Variants in FOS observed in about 807,000 individuals in gnomAD.
FOS encodes protein c-Fos.
In FOS, 9 loss-of-function variants were observed where a neutral mutation model predicts 27.2. The ratio of observed to expected loss-of-function variants is 0.33; its 90% confidence interval spans 0.20 to 0.58. FOS has a LOEUF of 0.58. Ranked by LOEUF, FOS falls within the 20% of genes least tolerant of loss-of-function variation. The pLI is 0.87. For missense variants in FOS, 405 were observed against 483.5 expected (o/e 0.84, Z 1.52); for synonymous variants, 213 against 205.1 (o/e 1.04, Z -0.33).
chr14:75,279,259 C>G lies in FOS; in HGVS notation c.141+136C>G, dbSNP rs1188417080. 3.0e-5 allele frequency: 36 copies of G among 1,190,718 alleles called. No individual in the cohort carries two copies. The highest frequency in any genetic ancestry group is 4.3e-5 in the Non-Finnish European group (36 of 845,946). 73.8% of individuals were successfully genotyped at this position (1,190,718 alleles called of 1,614,324 possible). A position where few individuals can be genotyped will look rare whatever the true frequency, so the allele number is the denominator to read the frequency against. Reference sequence around the variant, plus strand: ...GAGGCTGCCGTGGCCGGAGCGGTGCCGGCTCGGGGGCTCGGGACTTGCTCT... The same window carrying G: ...GAGGCTGCCGTGGCCGGAGCGGTGCGGGCTCGGGGGCTCGGGACTTGCTCT... On this transcript the variant is annotated intron_variant, in intron 1 of 3. Coordinates refer to ENST00000303562, the MANE Select transcript of FOS (RefSeq NM_005252.4). This position sits in a 1 kb window ranked among gnomAD's most constrained non-coding sequence, Gnocchi z 5.4.
Position 75,281,203 on chromosome 14 carries a change from A to T in FOS, c.922A>T (p.Ser308Cys), listed in dbSNP as rs778618273. The T allele has an allele frequency of 2.5e-6, 4 of 1,612,434 alleles. No homozygotes were observed. In the South Asian group the frequency reaches 4.4e-5, roughly 18 times the overall value. ...TGCAGCAGACTGGGAGCCTCTGCAC[A>T]GTGGCTCCCTGGGGATGGGGCCCAT... The part of the protein sequence containing the change: ...FYAADWEPLH[S>C]GSLGMGPMAT... The change falls in exon 4 of 4, where the codon AGT becomes TGT. Residue 308 changes from serine (S) to cysteine (C), a missense_variant. Coordinates refer to ENST00000303562, the MANE Select transcript of FOS (RefSeq NM_005252.4). This position sits in a 1 kb window ranked among gnomAD's most constrained non-coding sequence, Gnocchi z 4.7.
chr14:75,278,883 C>T lies in FOS; in HGVS notation c.-100C>T. 6.9e-7 allele frequency: 1 copy of T among 1,443,528 alleles called. No individual in the cohort carries two copies. 89.4% of individuals were successfully genotyped at this position (1,443,528 alleles called of 1,614,324 possible). On this transcript the variant is annotated 5_prime_UTR_variant, in exon 1 of 4. Transcript: ENST00000303562. This position sits in a 1 kb window ranked among gnomAD's most constrained non-coding sequence, Gnocchi z 4.1. ...CAAGACTGAGCCGGCGGCCGCGGCG[C>T]AGCGAACGAGCAGTGACCGTGCTCC...
chr14:75,279,154 G>C lies in FOS; in HGVS notation c.141+31G>C. ...GCTGGCTTCCCGTCGCCGCGGGGCC[G>C]GGGGCTTGGGGTCGCGGAGGAGGAG... On this transcript the variant is annotated intron_variant, in intron 1 of 3. Coordinates refer to ENST00000303562, the MANE Select transcript of FOS (RefSeq NM_005252.4). The surrounding 1 kb of genome is among the most constrained non-coding windows in gnomAD (Gnocchi z 5.4). 1 of 1,608,440 alleles carries C rather than the reference G, an allele frequency of 6.2e-7. No individual in the cohort carries two copies. Among genetic ancestry groups the C allele is most frequent in the Non-Finnish European group, 8.5e-7 (1 of 1,179,270 alleles).
rs1897194324 is a variant in FOS at position 75,278,980 on chromosome 14, A to G, written c.-3A>G. The stretch of plus-strand genomic sequence containing the variant: ...CCTCGCCCGGCTTTGCCTAACCGCC[A>G]CGATGATGTTCTCGGGCTTCAACGC... On this transcript the variant is annotated 5_prime_UTR_variant, in exon 1 of 4. Transcript: ENST00000303562. The surrounding 1 kb of genome is among the most constrained non-coding windows in gnomAD (Gnocchi z 4.1). 2 of 1,613,442 alleles carry G rather than the reference A, an allele frequency of 1.2e-6. No individual in the cohort carries two copies. Among genetic ancestry groups the G allele is most frequent in the Non-Finnish European group, 8.5e-7 (1 of 1,179,866 alleles).
At position 75,279,003 on chromosome 14, in the gene FOS, C is replaced by T. The variant is rs775518430; in HGVS notation, c.21C>T (p.Asn7=). 1.1e-5 allele frequency: 17 copies of T among 1,613,566 alleles called. No individual in the cohort carries two copies. Among genetic ancestry groups the T allele is most frequent in the South Asian group, 1.1e-5 (1 of 91,086 alleles). The change falls in exon 1 of 4, where the codon AAC becomes AAT. Residue 7 remains asparagine, a synonymous_variant. Coordinates refer to ENST00000303562, the MANE Select transcript of FOS (RefSeq NM_005252.4). The surrounding 1 kb of genome is among the most constrained non-coding windows in gnomAD (Gnocchi z 5.4). ...CCACGATGATGTTCTCGGGCTTCAACGCAGACTACGAGGCGTCATCCTCCC... is the reference window on the plus strand; with the variant it reads ...CCACGATGATGTTCTCGGGCTTCAATGCAGACTACGAGGCGTCATCCTCCC... MMFSGF[N]ADYEASSSRC...
In FOS at chr14:75,279,165, G is replaced by T. The variant is rs760850562; in HGVS notation, c.141+42G>T. 1 of 1,607,856 alleles carries T rather than the reference G, an allele frequency of 6.2e-7. No homozygotes were observed. Among genetic ancestry groups the T allele is most frequent in the East Asian group, 2.2e-5 (1 of 44,834 alleles). ...GTCGCCGCGGGGCCGGGGGCTTGGG[G>T]TCGCGGAGGAGGAGACACCGGGCGG... On this transcript the variant is annotated intron_variant, in intron 1 of 3. Coordinates refer to ENST00000303562, the MANE Select transcript of FOS (RefSeq NM_005252.4). This position sits in a 1 kb window ranked among gnomAD's most constrained non-coding sequence, Gnocchi z 5.4.
In FOS at chr14:75,280,033, G is replaced by A. The variant is rs1423248326; in HGVS notation, c.298G>A (p.Ala100Thr). ...TRAPHPFGVP[A>T]PSAGAYSRAG... The stretch of plus-strand genomic sequence containing the variant: ...AGCCCCTCACCCTTTCGGAGTCCCC[G>A]CCCCCTCCGCTGGGGCTTACTCCAG... Residue 100 changes from alanine (A) to threonine (T), a missense_variant, in exon 2 of 4, where the codon GCC becomes ACC. By Grantham distance (58) the Ala-to-Thr change is moderately conservative. Transcript: ENST00000303562. 1 of 1,614,020 alleles carries A rather than the reference G, an allele frequency of 6.2e-7. No homozygotes were observed.
At position 75,281,979 on chromosome 14, in the gene FOS, A is replaced by G. The variant is rs1897234348; in HGVS notation, c.*555A>G. On this transcript the variant is annotated 3_prime_UTR_variant, in exon 4 of 4. Transcript: ENST00000303562. The surrounding 1 kb of genome is among the most constrained non-coding windows in gnomAD (Gnocchi z 4.7). ...TAGTTTTTCTTCAACATCAATGTTC[A>G]TTGTAATGTTACTGATCATGCATTG... 6.5e-6 allele frequency: 1 copy of G among 154,662 alleles called. No individual in the cohort carries two copies. Among genetic ancestry groups the G allele is most frequent in the African/African-American group, 2.4e-5 (1 of 41,448 alleles). The allele number at this position is 154,662 out of a possible 1,614,324, so 9.6% of individuals were successfully genotyped here. A position where few individuals can be genotyped will look rare whatever the true frequency, so the allele number is the denominator to read the frequency against.
intron 3 of FOS, 24 bp downstream of exon 3, chr14:75,280,691 T>G: frequency 6.5e-7 from 1 of 1,530,196 alleles, no homozygotes; most frequent in Non-Finnish European, 8.7e-7. Context: ...GGGTTGCTCC[T>G]TTTTAAAACT....
At position 75,279,638 on chromosome 14, in the gene FOS, C is replaced by A; in HGVS notation, c.142-239C>A. The A allele has an allele frequency of 1.8e-6, 1 of 558,474 alleles. No individual in the cohort carries two copies. The highest frequency in any genetic ancestry group is 3.2e-6 in the Non-Finnish European group (1 of 315,596). 34.6% of individuals were successfully genotyped at this position (558,474 alleles called of 1,614,324 possible). On this transcript the variant is annotated intron_variant, in intron 1 of 3. Transcript: ENST00000303562. The surrounding 1 kb of genome is among the most constrained non-coding windows in gnomAD (Gnocchi z 5.4). ...TATTTATAACAAACCCCCTTTCAAG[C>A]AAGTGATGCTGAAGGGATAACGGGA...
rs772856821 is a variant in FOS, at chr14:75,279,836, C to T, written c.142-41C>T. On this transcript the variant is annotated intron_variant, in intron 1 of 3. Transcript: ENST00000303562. The surrounding 1 kb of genome is among the most constrained non-coding windows in gnomAD (Gnocchi z 5.4). The stretch of plus-strand genomic sequence containing the variant: ...AACTCGCCCCACCTGTGTCCGGAAC[C>T]TGCTCGCTCACGTCGGCTTTCCCCT... 2.6e-6 allele frequency: 4 copies of T among 1,552,348 alleles called. No homozygotes were observed. Among genetic ancestry groups the T allele is most frequent in the Non-Finnish European group, 3.5e-6 (4 of 1,145,356 alleles).
At chr14:75,280,735 C>G in intron 3 of FOS, 48 bp from the exon 4 acceptor site, 2 of 1,609,976 alleles carry the variant, frequency 1.2e-6, no homozygotes, top group Non-Finnish European at 1.7e-6. Context: ...CATAAGGGCC[C>G]TTGAGTAAGA....
At chr14:75,280,536 G>A (rs1421081987) in intron 2 of FOS, 24 bp from the exon 3 acceptor site, 4 of 1,578,340 alleles carry the variant, frequency 2.5e-6, no homozygotes, top group South Asian at 1.1e-5. Flanking sequence ...ACTGAATGTC[G>A]GTCTTTTTTT....
chr14:75,279,120 G>A lies in FOS; in HGVS notation c.138G>A (p.Ala46=). Residue 46 remains alanine (A), a synonymous_variant, in exon 1 of 4, where the codon GCG becomes GCA. Transcript: ENST00000303562. This position sits in a 1 kb window ranked among gnomAD's most constrained non-coding sequence, Gnocchi z 5.4. Reference sequence around the variant, plus strand: ...CCAGCATGGGCTCGCCTGTCAACGCGCAGGTAAGGCTGGCTTCCCGTCGCC... The same window carrying A: ...CCAGCATGGGCTCGCCTGTCAACGCACAGGTAAGGCTGGCTTCCCGTCGCC... ...SFSSMGSPVN[A]QDFCTDLAVS... is the part of the protein sequence containing the mutation. 1 of 1,612,996 alleles carries A rather than the reference G, an allele frequency of 6.2e-7. No individual in the cohort carries two copies. The highest frequency in any genetic ancestry group is 8.5e-7 in the Non-Finnish European group (1 of 1,179,866).
In FOS at chr14:75,279,627, C is replaced by A. The variant is rs1355756064; in HGVS notation, c.142-250C>A. On this transcript the variant is annotated intron_variant, in intron 1 of 3. Transcript: ENST00000303562. The surrounding 1 kb of genome is among the most constrained non-coding windows in gnomAD (Gnocchi z 5.4). Reference sequence around the variant, plus strand: ...GACGTCAGGGATATTTATAACAAACCCCCTTTCAAGCAAGTGATGCTGAAG... The same window carrying A: ...GACGTCAGGGATATTTATAACAAACACCCTTTCAAGCAAGTGATGCTGAAG... 7.3e-6 allele frequency: 4 copies of A among 550,254 alleles called. No homozygotes were observed. The highest frequency in any genetic ancestry group is 1.3e-5 in the Non-Finnish European group (4 of 310,830). The allele number at this position is 550,254 out of a possible 1,614,324, so 34.1% of individuals were successfully genotyped here.
At chr14:75,280,427 AG>A (rs1327863667) in intron 2 of FOS, 132 bp from the exon 3 acceptor site, 46 of 734,930 alleles carry the variant, frequency 6.3e-5, no homozygotes, top group South Asian at 2.0e-4. Context: ...CTGCAACTGC[AG>A]GTCAGAAATG....
chr14:75,280,205 T>C, intron 2 of FOS, 77 bp downstream of exon 2: 8 of 1,597,604 alleles, frequency 5.0e-6, no homozygotes, highest in Non-Finnish European at 6.9e-6. Flanking sequence ...AGGAGCCCAG[T>C]ACAGAGGATG....
At chr14:75,280,722 G>A (rs781658623) in intron 3 of FOS, 55 bp downstream of exon 3, 1 of 1,609,342 alleles carries the variant, frequency 6.2e-7, no homozygotes, top group Non-Finnish European at 8.5e-7. Context: ...GTTGGAGATT[G>A]AGCATAAGGG....
chr14:75,282,153 A>T lies in FOS; in HGVS notation c.*729A>T, dbSNP rs779419408. The T allele has an allele frequency of 6.6e-6, 1 of 152,174 alleles. No individual in the cohort carries two copies. The highest frequency in any genetic ancestry group is 2.4e-5 in the African/African-American group (1 of 41,396). The allele number at this position is 152,174 out of a possible 1,614,324, so 9.4% of individuals were successfully genotyped here. On this transcript the variant is annotated 3_prime_UTR_variant, in exon 4 of 4. Transcript: ENST00000303562. The stretch of plus-strand genomic sequence containing the variant: ...GAGGTCTTTTGACATGTGGAAAGTG[A>T]ATTTGAATGAAAAATTTAAGCATTG...
Sources: allele counts gnomAD v4.1 joint callset, GRCh38; gene constraint gnomAD v4.1.1; non-coding constraint Gnocchi (gnomAD v3.1); transcripts MANE v1.5; gene names NCBI Gene and HGNC (gene_info 2026-07-23, HGNC 2026-07-21).